The following PBX1 variants were observed in gnomAD, a reference collection of about 807,000 sequenced individuals.
The protein encoded by PBX1 is pre-B-cell leukemia transcription factor 1.
In PBX1, 6 loss-of-function variants were observed where a neutral mutation model predicts 53.4. That is an observed-to-expected ratio of 0.11 (90% confidence interval 0.06 to 0.22). PBX1 has a LOEUF of 0.22. Among genes scored for constraint, PBX1 ranks in the 10% least tolerant of loss-of-function variants. The pLI, the probability that PBX1 is intolerant of heterozygous loss-of-function variation, is 1.00. For missense variants in PBX1, 251 were observed against 551.4 expected (o/e 0.46, Z 5.46); for synonymous variants, 204 against 212.3 (o/e 0.96, Z 0.34).
intron 8 of PBX1, among the ~76,000 whole-genome samples, chr1:164,844,158 C>T (rs1346086480): frequency 7.3e-6 from 1 of 137,752 alleles, no homozygotes; most frequent in African/African-American, 2.7e-5. Context: ...TACTTCATGA[C>T]ATTGTACTTA....
chr1:164,791,668 T>C (rs570899079), intron 2 of PBX1, among the ~76,000 whole-genome samples: 3,606 of 152,290 alleles, frequency 0.024, 139 homozygotes, highest in African/African-American at 0.082. Flanking sequence ...CACAGACTTA[T>C]GGAAATTTAA....
chr1:164,595,898 C>G (rs569805057), intron 2 of PBX1, among the ~76,000 whole-genome samples: 3 of 152,268 alleles, frequency 2.0e-5, no homozygotes. Flanking sequence ...GACAAAATAG[C>G]TCCAAAGGTT....
At chr1:164,832,638 A>G (rs1164353769) in intron 8 of PBX1, among the ~76,000 whole-genome samples, 1 of 152,142 alleles carries the variant, frequency 6.6e-6, no homozygotes, top group Admixed American at 6.5e-5. Flanking sequence ...ATATAAATAG[A>G]ACTAGAAAAT....
intron 2 of PBX1, among the ~76,000 whole-genome samples, chr1:164,624,719 C>T (rs1462384328): frequency 6.6e-6 from 1 of 151,990 alleles, no homozygotes; most frequent in Non-Finnish European, 1.5e-5. Context: ...TTTTCAGTTC[C>T]TATAGGTTTT....
At chr1:164,750,109 GA>G (rs113976702) in intron 2 of PBX1, among the ~76,000 whole-genome samples, 132 of 138,188 alleles carry the variant, frequency 9.6e-4, no homozygotes, top group South Asian at 4.7e-3. Flanking sequence ...AAAATCGGAA[GA>G]AAAAAAAAAA....
chr1:164,825,211 C>T (rs1446723064), intron 8 of PBX1, among the ~76,000 whole-genome samples: 2 of 152,192 alleles, frequency 1.3e-5, no homozygotes, highest in African/African-American at 2.4e-5. Flanking sequence ...CATCACCTCT[C>T]CATCCCACCC....
At chr1:164,620,481 GGT>G (rs59938814) in intron 2 of PBX1, among the ~76,000 whole-genome samples, 13,860 of 151,906 alleles carry the variant, frequency 0.091, 855 homozygotes, top group East Asian at 0.28. Context: ...TGAGTATGTG[GGT>G]GTGTGTGTGC....
At chr1:164,797,763 C>T (rs987762880) in intron 3 of PBX1, among the ~76,000 whole-genome samples, 4 of 152,248 alleles carry the variant, frequency 2.6e-5, no homozygotes, top group African/African-American at 9.6e-5. Context: ...ACTTGTAGGG[C>T]CAGGCACACA....
downstream of PBX1, among the ~76,000 whole-genome samples, chr1:164,856,423 T>G (rs1413425850): frequency 6.6e-6 from 1 of 152,242 alleles, no homozygotes; most frequent in Non-Finnish European, 1.5e-5. Context: ...CACTCTCTGC[T>G]GTTGGGCACA....
intron 2 of PBX1, among the ~76,000 whole-genome samples, chr1:164,737,382 A>C: frequency 6.6e-6 from 1 of 152,294 alleles, no homozygotes; most frequent in East Asian, 1.9e-4. Flanking sequence ...TTTTTGATCA[A>C]TGAGGTATAA....
chr1:164,768,925 C>T lies in PBX1; in HGVS notation c.266-23569C>T, dbSNP rs193200189. Among the ~76,000 whole-genome samples the T allele has an allele frequency of 1.8e-4, 27 of 152,238 alleles. No homozygotes were observed. In the East Asian group the frequency reaches 3.7e-3, roughly 21 times the overall value. On this transcript the variant is annotated intron_variant, in intron 2 of 8. Coordinates refer to ENST00000420696, the MANE Select transcript of PBX1 (RefSeq NM_002585.4). The stretch of plus-strand genomic sequence containing the variant: ...GAAATTAACTGGGTGTGGTGGCACA[C>T]GCCTGTAATCCCCCAGCTACTCTAG...
chr1:164,560,835 C>CT (rs1652987578), intron 1 of PBX1, among the ~76,000 whole-genome samples: 1 of 152,122 alleles, frequency 6.6e-6, no homozygotes. Context: ...CAAGCATGCT[C>CT]TTTTCCCCCA....
intron 2 of PBX1, among the ~76,000 whole-genome samples, chr1:164,780,524 C>T (rs1328872961): frequency 6.6e-6 from 1 of 152,002 alleles, no homozygotes; most frequent in Non-Finnish European, 1.5e-5. Context: ...AATTTCAGCC[C>T]CTTAGACTCT....
chr1:164,742,061 G>C (rs1665644217), intron 2 of PBX1, among the ~76,000 whole-genome samples: 1 of 152,072 alleles, frequency 6.6e-6, no homozygotes, highest in African/African-American at 2.4e-5. Context: ...CAGTCTTTCA[G>C]GGATTCTTGA....
chr1:164,689,083 C>T (rs1206347872), intron 2 of PBX1, among the ~76,000 whole-genome samples: 1 of 152,316 alleles, frequency 6.6e-6, no homozygotes, highest in East Asian at 1.9e-4. Flanking sequence ...TTGGGACTCG[C>T]CAAAGTGTTT....
chr1:164,565,157 G>A (rs556137913), intron 2 of PBX1, among the ~76,000 whole-genome samples: 3 of 152,166 alleles, frequency 2.0e-5, no homozygotes, highest in African/African-American at 2.4e-5. Flanking sequence ...ATAGAGATCC[G>A]GTTCAGGTGA....
intron 4 of PBX1, among the ~76,000 whole-genome samples, chr1:164,801,266 G>A (rs185981102): frequency 3.3e-5 from 5 of 152,166 alleles, no homozygotes; most frequent in Non-Finnish European, 5.9e-5. Context: ...TCCCTCACCC[G>A]TGGCCTGCTG....
chr1:164,585,593 A>G (rs1654903735), intron 2 of PBX1, among the ~76,000 whole-genome samples: 2 of 152,196 alleles, frequency 1.3e-5, no homozygotes, highest in African/African-American at 4.8e-5. Flanking sequence ...AATGTCCTGA[A>G]CATTTCTTTT....
intron 2 of PBX1, among the ~76,000 whole-genome samples, chr1:164,692,602 A>G (rs1001719209): frequency 1.3e-5 from 2 of 152,158 alleles, no homozygotes; most frequent in Non-Finnish European, 1.5e-5. Context: ...TGGAAAGATA[A>G]GCAAGAAATG....
Sources: allele counts gnomAD v4.1 joint callset (sites outside exome capture counted in the v4.1 genomes callset), GRCh38; gene constraint gnomAD v4.1.1; transcripts MANE v1.5; gene names NCBI Gene and HGNC (gene_info 2026-07-23, HGNC 2026-07-21).